KATNAL1: variants seen among roughly 807,000 people sequenced by gnomAD.
The protein encoded by KATNAL1 is katanin p60 ATPase-containing subunit A-like 1.
Under a neutral mutation model 55.2 loss-of-function variants are expected in KATNAL1, and 32 were observed. That is an observed-to-expected ratio of 0.58 (90% CI 0.44 to 0.78). The LOEUF is 0.78. KATNAL1 is among the 30% of genes least tolerant of loss of function. KATNAL1 has a pLI of 0.00. For missense variants in KATNAL1, 466 were observed against 600.9 expected, an observed-to-expected ratio of 0.78 and a Z score of 2.35; for synonymous variants, 193 against 193.6, an observed-to-expected ratio of 1.00 and a Z score of 0.02.
chr13:30,277,584 ATAT>A (rs1306026118), intron 3 of KATNAL1, among the ~76,000 whole-genome samples: 6 of 152,346 alleles, frequency 3.9e-5, no homozygotes, highest in African/African-American at 1.4e-4. Context: ...AACAAGAAAA[ATAT>A]TATTATACAA....
At chr13:30,306,336 C>A (rs1304790532) in intron 1 of KATNAL1, among the ~76,000 whole-genome samples, 1 of 151,954 alleles carries the variant, frequency 6.6e-6, no homozygotes, top group African/African-American at 2.4e-5. Context: ...TTCTGAATAA[C>A]ACTGGAATAA....
chr13:30,293,831 C>T (rs1882299632), intron 1 of KATNAL1, among the ~76,000 whole-genome samples: 1 of 152,206 alleles, frequency 6.6e-6, no homozygotes, highest in South Asian at 2.1e-4. Context: ...AGCAAGTCTA[C>T]CGGTGCCATT....
At chr13:30,294,105 A>T (rs949898918) in intron 1 of KATNAL1, among the ~76,000 whole-genome samples, 3 of 152,142 alleles carry the variant, frequency 2.0e-5, no homozygotes, top group Non-Finnish European at 4.4e-5. Context: ...ACAATACTGA[A>T]ATTAGGCCAA....
intron 9 of KATNAL1, among the ~76,000 whole-genome samples, chr13:30,221,793 T>G (rs1284569068): frequency 6.6e-6 from 1 of 152,228 alleles, no homozygotes; most frequent in African/African-American, 2.4e-5. Context: ...GGCTCATGTT[T>G]GTAATCCCAG....
At chr13:30,221,595 T>C (rs562438280) in intron 9 of KATNAL1, among the ~76,000 whole-genome samples, 11 of 152,292 alleles carry the variant, frequency 7.2e-5, no homozygotes, top group African/African-American at 2.6e-4. Context: ...GAATAAAAAA[T>C]TTTACTAAAA....
rs1873247131 is a variant in KATNAL1 at position 30,207,380 on chromosome 13, T to C, written c.*1160A>G. The C allele has an allele frequency of 1.3e-5, 2 of 152,218 alleles. No homozygotes were observed. Among genetic ancestry groups the C allele is most frequent in the African/African-American group, 4.8e-5 (2 of 41,466 alleles). 9.4% of individuals were successfully genotyped at this position (152,218 alleles called of 1,614,324 possible). A position where few individuals can be genotyped will look rare whatever the true frequency, so the allele number is the denominator to read the frequency against. ...TCTCAACCTAGACAAGGACAAATTT[T>C]AGAATTTTCCAATGAACATCATTCA... On this transcript the variant is annotated 3_prime_UTR_variant, in exon 11 of 11. Transcript: ENST00000380615.
chr13:30,218,862 C>T (rs559216992), intron 9 of KATNAL1, among the ~76,000 whole-genome samples: 9 of 152,290 alleles, frequency 5.9e-5, no homozygotes, highest in African/African-American at 1.7e-4. Flanking sequence ...ATGGAACAGA[C>T]ACAAACCATC....
At chr13:30,271,613 T>C (rs1880366539) in intron 3 of KATNAL1, among the ~76,000 whole-genome samples, 1 of 152,072 alleles carries the variant, frequency 6.6e-6, no homozygotes, top group African/African-American at 2.4e-5. Context: ...ACCCCCATGA[T>C]CTAATCACCT....
intron 9 of KATNAL1, among the ~76,000 whole-genome samples, chr13:30,224,393 C>T (rs1488832031): frequency 1.3e-5 from 2 of 151,740 alleles, no homozygotes; most frequent in African/African-American, 4.8e-5. Flanking sequence ...AAAAATTAGC[C>T]AGGCACAGTG....
rs143279450 is a variant in KATNAL1 at position 30,296,336 on chromosome 13, G to T, written c.-15+10995C>A. On this transcript the variant is annotated intron_variant, in intron 1 of 10. Transcript: ENST00000380615. ...CACTGCAGTCAGCAGCCATGCCGAG[G>T]ACTTCCGCAAGCTGGGCTGCGAAGT... 105 of 1,160,174 alleles carry T rather than the reference G, an allele frequency of 9.1e-5. 1 individual carries two copies. The East Asian group carries it at 2.5e-3, about 28-fold the overall frequency. The allele number at this position is 1,160,174 out of a possible 1,614,324, so 71.9% of individuals were successfully genotyped here. A position where few individuals can be genotyped will look rare whatever the true frequency, so the allele number is the denominator to read the frequency against.
chr13:30,291,025 A>G lies in KATNAL1; in HGVS notation c.-14-7234T>C, dbSNP rs74655510. ...ATTGTGAAAGACTAAATGCTCTCCAAGATCAAGAACAAGACAAGGATATTT... is the reference window on the plus strand; with the variant it reads ...ATTGTGAAAGACTAAATGCTCTCCAGGATCAAGAACAAGACAAGGATATTT... On this transcript the variant is annotated intron_variant, in intron 1 of 10. Transcript: ENST00000380615. Among the ~76,000 whole-genome samples the G allele has an allele frequency of 1.8e-4, 28 of 152,350 alleles. No homozygotes were observed. The East Asian group carries it at 5.4e-3, about 29-fold the overall frequency.
At chr13:30,270,090 C>G (rs1429227962) in intron 3 of KATNAL1, among the ~76,000 whole-genome samples, 4 of 125,154 alleles carry the variant, frequency 3.2e-5, no homozygotes, top group Admixed American at 3.0e-4. Context: ...GTCAGCCCCC[C>G]GCCCGGCCAG....
chr13:30,267,780 G>C (rs1393881711), intron 3 of KATNAL1, among the ~76,000 whole-genome samples: 1 of 152,172 alleles, frequency 6.6e-6, no homozygotes, highest in Non-Finnish European at 1.5e-5. Context: ...CCAAGAAAGA[G>C]AGAGAGAGAA....
At chr13:30,218,525 A>G (rs1234088041) in intron 9 of KATNAL1, among the ~76,000 whole-genome samples, 3 of 152,052 alleles carry the variant, frequency 2.0e-5, no homozygotes, top group Admixed American at 2.0e-4. Flanking sequence ...TCCCACACCC[A>G]TTTCTACAAT....
At chr13:30,244,240 T>A (rs1877561592) in intron 4 of KATNAL1, among the ~76,000 whole-genome samples, 1 of 152,152 alleles carries the variant, frequency 6.6e-6, no homozygotes, top group Non-Finnish European at 1.5e-5. Context: ...TTCATCCATG[T>A]CCCTGCAAAG....
intron 9 of KATNAL1, among the ~76,000 whole-genome samples, chr13:30,218,885 C>T (rs572645151): frequency 6.6e-6 from 1 of 152,278 alleles, no homozygotes; most frequent in South Asian, 2.1e-4. Context: ...CACTGTGCCC[C>T]ATCCAATGTG....
At chr13:30,301,306 T>C (rs1882839764) in intron 1 of KATNAL1, among the ~76,000 whole-genome samples, 1 of 152,086 alleles carries the variant, frequency 6.6e-6, no homozygotes, top group Admixed American at 6.5e-5. Flanking sequence ...AGACGGAGGT[T>C]GCAGTGAGCC....
At chr13:30,262,615 C>G (rs1224622367) in intron 3 of KATNAL1, among the ~76,000 whole-genome samples, 3 of 151,992 alleles carry the variant, frequency 2.0e-5, no homozygotes, top group Admixed American at 1.3e-4. Flanking sequence ...ACTAGAAAAT[C>G]TAGAAGAAAT....
chr13:30,279,675 T>G (rs1881126766), intron 3 of KATNAL1, among the ~76,000 whole-genome samples: 1 of 152,202 alleles, frequency 6.6e-6, no homozygotes, highest in Non-Finnish European at 1.5e-5. Flanking sequence ...GGAAATTGAC[T>G]GTAGGCCCAA....
Sources: allele counts gnomAD v4.1 joint callset (sites outside exome capture counted in the v4.1 genomes callset), GRCh38; gene constraint gnomAD v4.1.1; transcripts MANE v1.5; gene names NCBI Gene and HGNC (gene_info 2026-07-23, HGNC 2026-07-21).